The following NRXN1 variants were observed in gnomAD, a reference collection of about 807,000 sequenced individuals.
NRXN1 encodes the protein neurexin-1.
NRXN1 carries 39 observed loss-of-function variants against 150.9 expected under a neutral mutation model. The ratio of observed to expected loss-of-function variants is 0.26; its 90% CI spans 0.20 to 0.34. The LOEUF is 0.34. NRXN1 is among the 10% of genes least tolerant of loss of function. The pLI, the probability that NRXN1 is intolerant of heterozygous loss-of-function variation, is 1.00. For missense variants in NRXN1, 1,815 were observed against 1,949.9 expected, an observed-to-expected ratio of 0.93 and a Z score of 1.30; for synonymous variants, 924 against 757.0, an observed-to-expected ratio of 1.22 and a Z score of -3.62.
rs1312835772 is a variant in NRXN1 at position 50,501,654 on chromosome 2, A to AC, written c.2498-3941_2498-3940insG. The stretch of plus-strand genomic sequence containing the variant: ...ATACACACACAGATTAAAAAAAAAA[A>AC]ACACAATTCTAGATTTTTACACAGA... On this transcript the variant is annotated intron_variant, in intron 13 of 22. Coordinates refer to ENST00000401669, the MANE Select transcript of NRXN1 (RefSeq NM_001330078.2). Among the ~76,000 whole-genome samples, 5 of 152,102 alleles carry AC rather than the reference A, an allele frequency of 3.3e-5. No homozygotes were observed. The East Asian group carries it at 5.8e-4, about 18-fold the overall frequency.
Position 50,346,560 on chromosome 2 carries a change from A to G in NRXN1, c.3365-109590T>C. On this transcript the variant is annotated intron_variant, in intron 17 of 22. Transcript: ENST00000401669. This position sits in a 1 kb window ranked among gnomAD's most constrained non-coding sequence, Gnocchi z 5.0. The stretch of plus-strand genomic sequence containing the variant: ...TTCAAAGAGATAAGTGGCTCGCACC[A>G]AGCACACCCAAATGCACCTCCCTTT... 1 of 957,750 alleles carries G rather than the reference A, an allele frequency of 1.0e-6. No individual in the cohort carries two copies. The allele number at this position is 957,750 out of a possible 1,614,324, so 59.3% of individuals were successfully genotyped here.
intron 5 of NRXN1, among the ~76,000 whole-genome samples, chr2:50,688,214 AG>A (rs1691539413): frequency 6.6e-6 from 1 of 152,120 alleles, no homozygotes; most frequent in African/African-American, 2.4e-5. Flanking sequence ...TCTTTTCCTG[AG>A]ACTAATGCTG....
At chr2:50,027,041 C>G (rs1688445506) in intron 21 of NRXN1, among the ~76,000 whole-genome samples, 1 of 151,106 alleles carries the variant, frequency 6.6e-6, no homozygotes, top group African/African-American at 2.4e-5. Flanking sequence ...GCCACCACAC[C>G]CAGCTAATTT....
At chr2:50,042,236 C>G (rs1254277089) in intron 21 of NRXN1, among the ~76,000 whole-genome samples, 2 of 152,098 alleles carry the variant, frequency 1.3e-5, no homozygotes, top group Non-Finnish European at 2.9e-5. Flanking sequence ...TGTGTCCCCA[C>G]CCAAATCTCA....
At chr2:50,212,088 G>A (rs752753951) in intron 18 of NRXN1, among the ~76,000 whole-genome samples, 5 of 151,428 alleles carry the variant, frequency 3.3e-5, no homozygotes, top group African/African-American at 4.8e-5. Context: ...CCTTAAAACT[G>A]TCCCCTCAGG....
At chr2:50,768,377 C>T (rs1254121165) in intron 5 of NRXN1, among the ~76,000 whole-genome samples, 6 of 151,988 alleles carry the variant, frequency 3.9e-5, no homozygotes, top group African/African-American at 1.2e-4. Context: ...GGCATGATCA[C>T]GACTCACTGG....
chr2:50,600,847 G>A (rs551162949), intron 8 of NRXN1, among the ~76,000 whole-genome samples: 2 of 152,046 alleles, frequency 1.3e-5, no homozygotes, highest in South Asian at 4.2e-4. Flanking sequence ...TTAAAGCTCT[G>A]GTATGAATAA....
chr2:50,073,390 G>T (rs113806519), intron 19 of NRXN1, among the ~76,000 whole-genome samples: 397 of 152,218 alleles, frequency 2.6e-3, no homozygotes, highest in African/African-American at 9.0e-3. Flanking sequence ...AATTCACTGG[G>T]ATTACCTCTC....
chr2:50,008,447 A>G (rs528136370), intron 21 of NRXN1, among the ~76,000 whole-genome samples: 1 of 148,362 alleles, frequency 6.7e-6, no homozygotes, highest in South Asian at 2.1e-4. Context: ...TGGACTGAAA[A>G]CTCCTTTGGA....
At position 49,992,386 on chromosome 2, in the gene NRXN1, C is replaced by CAA. The variant is rs35104751; in HGVS notation, c.4129-48597_4129-48596dup. ...AACTCCGTCTCTACTAAAATACAAA[C>CAA]AAAAAAAAAACACCCCAAAAACAAA... On this transcript the variant is annotated intron_variant, in intron 21 of 22. Transcript: ENST00000401669. 5.5e-3 allele frequency among the ~76,000 whole-genome samples: 785 copies of CAA among 142,202 alleles called. 7 individuals carry two copies. Among genetic ancestry groups the CAA allele is most frequent in the Non-Finnish European group, 8.0e-3 (518 of 65,002 alleles). 93.3% of individuals were successfully genotyped at this position (142,202 alleles called of 152,430 possible).
At chr2:50,642,555 G>C (rs2104490315) in intron 5 of NRXN1, among the ~76,000 whole-genome samples, 1 of 151,870 alleles carries the variant, frequency 6.6e-6, no homozygotes, top group East Asian at 1.9e-4. Flanking sequence ...CTTGTAAAAA[G>C]TCCTTGAAAA....
intron 22 of NRXN1, among the ~76,000 whole-genome samples, chr2:49,923,516 G>T (rs1668578631): frequency 6.6e-6 from 1 of 152,132 alleles, no homozygotes; most frequent in Non-Finnish European, 1.5e-5. Context: ...ATGAGTGTGT[G>T]TTCATGTATA....
chr2:50,711,693 T>G (rs537355885), intron 5 of NRXN1, among the ~76,000 whole-genome samples: 32 of 152,164 alleles, frequency 2.1e-4, no homozygotes, highest in African/African-American at 6.7e-4. Context: ...TCTCCAAAAC[T>G]CATGCATTAG....
At chr2:50,563,607 G>T (rs2105409483) in intron 8 of NRXN1, among the ~76,000 whole-genome samples, 1 of 152,274 alleles carries the variant, frequency 6.6e-6, no homozygotes, top group East Asian at 1.9e-4. Context: ...AGAGGTGAGG[G>T]TACTTGCCTG....
At chr2:50,202,553 G>T (rs1056757137) in intron 18 of NRXN1, among the ~76,000 whole-genome samples, 1 of 152,020 alleles carries the variant, frequency 6.6e-6, no homozygotes, top group Non-Finnish European at 1.5e-5. Flanking sequence ...GACTTGAGCA[G>T]TAATGATAAA....
rs764969783 is a variant in NRXN1, at chr2:50,623,521, A to C, written c.927T>G (p.Thr309=). 1 of 1,612,700 alleles carries C rather than the reference A, an allele frequency of 6.2e-7. No individual in the cohort carries two copies. Among genetic ancestry groups the C allele is most frequent in the Non-Finnish European group, 8.5e-7 (1 of 1,178,968 alleles). Residue 309 remains threonine (T), a synonymous_variant, in exon 6 of 23, where the codon ACT becomes ACG. Transcript: ENST00000401669. The part of the protein sequence containing the change: ...NPIQSSSDEI[T]LSFKTLQRNG... ...TCCTCTGAAGGGTTTTAAATGACAGAGTTATTTCATCACTGCTGCTTTGAA... is the reference window on the plus strand; with the variant it reads ...TCCTCTGAAGGGTTTTAAATGACAGCGTTATTTCATCACTGCTGCTTTGAA...
chr2:50,741,710 T>C (rs942272564), intron 5 of NRXN1, among the ~76,000 whole-genome samples: 1 of 152,182 alleles, frequency 6.6e-6, no homozygotes, highest in East Asian at 1.9e-4. Flanking sequence ...TTCCACTCCA[T>C]TTTCTTCATG....
At chr2:50,970,116 A>T (rs1444833629) in intron 2 of NRXN1, among the ~76,000 whole-genome samples, 2 of 152,104 alleles carry the variant, frequency 1.3e-5, no homozygotes, top group African/African-American at 4.8e-5. Context: ...TATATCAGAT[A>T]ATTTCTTTAT....
chr2:50,204,210 G>A (rs1448181348), intron 18 of NRXN1, among the ~76,000 whole-genome samples: 2 of 152,028 alleles, frequency 1.3e-5, no homozygotes, highest in Non-Finnish European at 2.9e-5. Context: ...ATACAACTAG[G>A]TGAAGTTAAA....
Sources: allele counts gnomAD v4.1 joint callset (sites outside exome capture counted in the v4.1 genomes callset), GRCh38; gene constraint gnomAD v4.1.1; non-coding constraint Gnocchi (gnomAD v3.1); transcripts MANE v1.5; gene names NCBI Gene and HGNC (gene_info 2026-07-23, HGNC 2026-07-21).